NAAA: variants seen among roughly 807,000 people sequenced by gnomAD.
The protein encoded by NAAA is N-acylethanolamine acid amidase.
A neutral mutation model predicts 44.8 loss-of-function variants in NAAA; 39 were observed. The ratio of observed to expected loss-of-function variants is 0.87; its 90% CI spans 0.67 to 1.14. NAAA has a LOEUF of 1.14. Ranked by LOEUF, NAAA falls within the 50% of genes most tolerant of loss-of-function variation. The pLI, the probability that NAAA is intolerant of heterozygous loss-of-function variation, is 0.00. For synonymous variants in NAAA, 178 were observed against 191.3 expected, an observed-to-expected ratio of 0.93 and a Z score of 0.58; for missense variants, 460 against 467.8, an observed-to-expected ratio of 0.98 and a Z score of 0.15.
intron 1 of NAAA, 86 bp downstream of exon 1, chr4:75,940,658 C>T (rs1297317484): frequency 1.4e-6 from 2 of 1,384,052 alleles, no homozygotes; most frequent in East Asian, 5.4e-5. Flanking sequence ...AAAGCGTCCC[C>T]GTTTAAAGCA....
At chr4:75,940,359 A>T in intron 1 of NAAA, 194 bp from the exon 2 acceptor site, 1 of 516,904 alleles carries the variant, frequency 1.9e-6, no homozygotes, top group Non-Finnish European at 3.4e-6. Context: ...GGCGGGGGGA[A>T]GGCGGCGGGT....
downstream of NAAA, chr4:75,913,545 C>T (rs1459897362): frequency 4.7e-6 from 2 of 427,644 alleles, no homozygotes; most frequent in South Asian, 9.8e-5. Flanking sequence ...CTGTTCATTC[C>T]CTTGAATGCT....
chr4:75,932,564 C>T (rs1036584296), intron 3 of NAAA, among the ~76,000 whole-genome samples: 19 of 152,108 alleles, frequency 1.2e-4, no homozygotes, highest in African/African-American at 4.6e-4. Flanking sequence ...CTCACTGCAG[C>T]CTCGACCTCC....
chr4:75,913,773 A>G lies in NAAA; in HGVS notation c.*602T>C. The G allele has an allele frequency of 1.0e-6, 1 of 983,650 alleles. No individual in the cohort carries two copies. The highest frequency in any genetic ancestry group is 1.2e-6 in the Non-Finnish European group (1 of 828,366). 60.9% of individuals were successfully genotyped at this position (983,650 alleles called of 1,614,324 possible). Reference sequence around the variant, plus strand: ...CATATTATTTTCAAAAAGCAGTAAGAAAGTAGCTATTGAGAAAGAAGGAGG... The same window carrying G: ...CATATTATTTTCAAAAAGCAGTAAGGAAGTAGCTATTGAGAAAGAAGGAGG... On this transcript the variant is annotated 3_prime_UTR_variant, in exon 11 of 11. Transcript: ENST00000286733.
At chr4:75,924,383 T>C (rs1302323048) in intron 5 of NAAA, among the ~76,000 whole-genome samples, 1 of 152,242 alleles carries the variant, frequency 6.6e-6, no homozygotes, top group Non-Finnish European at 1.5e-5. Flanking sequence ...AGTTACTAGG[T>C]GACTGATTTC....
chr4:75,926,072 C>G (rs1275401515), intron 4 of NAAA, among the ~76,000 whole-genome samples: 1 of 73,824 alleles, frequency 1.4e-5, no homozygotes, highest in Admixed American at 1.4e-4. Flanking sequence ...GTCTTCCACA[C>G]CTGTGATTTG....
At chr4:75,917,185 C>T in intron 9 of NAAA, 1 of 690,632 alleles carries the variant, frequency 1.4e-6, no homozygotes, top group Non-Finnish European at 1.8e-6. Context: ...ACATTGTGCC[C>T]CGCTATGAAG....
intron 4 of NAAA, among the ~76,000 whole-genome samples, chr4:75,926,310 C>G (rs1726681358): frequency 6.6e-6 from 1 of 152,100 alleles, no homozygotes; most frequent in South Asian, 2.1e-4. Flanking sequence ...CCTGTAATCC[C>G]AGCACTTTGG....
At chr4:75,924,766 C>T (rs1007521318) in intron 5 of NAAA, among the ~76,000 whole-genome samples, 4 of 152,188 alleles carry the variant, frequency 2.6e-5, no homozygotes, top group Non-Finnish European at 5.9e-5. Context: ...TAGCCAGGCT[C>T]CTCTGAGACC....
intron 2 of NAAA, among the ~76,000 whole-genome samples, chr4:75,938,076 G>A (rs1331700851): frequency 2.6e-5 from 4 of 152,170 alleles, no homozygotes; most frequent in Non-Finnish European, 4.4e-5. Flanking sequence ...CCAGCAAGGT[G>A]GCCCCACTGA....
intron 2 of NAAA, among the ~76,000 whole-genome samples, chr4:75,938,316 T>G (rs997969327): frequency 6.6e-6 from 1 of 152,246 alleles, no homozygotes; most frequent in Admixed American, 6.5e-5. Context: ...AAAGTTAGAA[T>G]GTTTTTACTA....
chr4:75,928,856 C>A (rs547837643), intron 4 of NAAA, among the ~76,000 whole-genome samples: 1 of 151,242 alleles, frequency 6.6e-6, no homozygotes, highest in East Asian at 1.9e-4. Context: ...GGCGCGATCT[C>A]GGCTCACTGC....
At chr4:75,918,987 G>GA (rs1008124743) in intron 8 of NAAA, among the ~76,000 whole-genome samples, 198 bp from the exon 9 acceptor site, 3 of 148,354 alleles carry the variant, frequency 2.0e-5, no homozygotes, top group Non-Finnish European at 4.5e-5. Context: ...TACTAAAAAA[G>GA]AAAAAAAAAG....
In NAAA at chr4:75,914,136, G is replaced by C. The variant is rs1420404422; in HGVS notation, c.*239C>G. 1 of 985,698 alleles carries C rather than the reference G, an allele frequency of 1.0e-6. No individual in the cohort carries two copies. The highest frequency in any genetic ancestry group is 1.2e-6 in the Non-Finnish European group (1 of 829,950). The allele number at this position is 985,698 out of a possible 1,614,324, so 61.1% of individuals were successfully genotyped here. ...AGGATAGAAGCTTAGAGAGGATCGA[G>C]GCAAACCATGAAGGGAAGGGAATGC... On this transcript the variant is annotated 3_prime_UTR_variant, in exon 11 of 11. Transcript: ENST00000286733.
chr4:75,917,820 A>C (rs920534547), intron 9 of NAAA: 8 of 422,884 alleles, frequency 1.9e-5, no homozygotes, highest in African/African-American at 1.7e-4. Context: ...GAATGTGAGT[A>C]AAATCCTAGG....
At chr4:75,920,836 C>CA (rs759480373) in intron 6 of NAAA, 36 bp from the exon 7 acceptor site, 1 of 1,614,026 alleles carries the variant, frequency 6.2e-7, no homozygotes, top group Non-Finnish European at 8.5e-7. Context: ...TTATCCAAGG[C>CA]AATTTACGAC....
chr4:75,933,984 C>G (rs1017309717), intron 3 of NAAA, among the ~76,000 whole-genome samples: 1 of 151,296 alleles, frequency 6.6e-6, no homozygotes, highest in Non-Finnish European at 1.5e-5. Flanking sequence ...GAGCCGAGAT[C>G]GCGCCACTGC....
At chr4:75,929,596 T>C (rs1727049212) in intron 4 of NAAA, among the ~76,000 whole-genome samples, 1 of 152,202 alleles carries the variant, frequency 6.6e-6, no homozygotes, top group Non-Finnish European at 1.5e-5. Context: ...ATACATGTAA[T>C]TATAGGCATT....
rs1456682889 is a variant in NAAA at position 75,918,760 on chromosome 4, CTTG to C, written c.996_998del (p.Asn333del). On this transcript the variant is annotated inframe_deletion and splice_region_variant, in exon 9 of 11. Coordinates refer to ENST00000286733, the MANE Select transcript of NAAA (RefSeq NM_014435.4). ...ACAGACATGTTTAACAAGCCACTTACTTGTTATAAACTGGAACCACCGACAAAA... is the reference window on the plus strand; with the variant it reads ...ACAGACATGTTTAACAAGCCACTTACTTATAAACTGGAACCACCGACAAAA... 6.2e-7 allele frequency: 1 copy of C among 1,613,080 alleles called. No homozygotes were observed. Among genetic ancestry groups the C allele is most frequent in the South Asian group, 1.1e-5 (1 of 91,042 alleles).
Sources: gnomAD v4.1 joint callset for allele counts (sites outside exome capture counted in the v4.1 genomes callset) on GRCh38, gnomAD v4.1.1 for gene constraint, MANE v1.5 for transcripts, NCBI Gene and HGNC (gene_info 2026-07-23, HGNC 2026-07-21) for gene names.